The following AKT3 variants were observed in gnomAD, a reference collection of about 807,000 sequenced individuals.
The protein encoded by AKT3 is RAC-gamma serine/threonine-protein kinase.
Under a neutral mutation model 65.3 loss-of-function variants are expected in AKT3, and 15 were observed. That is an observed-to-expected ratio of 0.23 (90% CI 0.15 to 0.35). The LOEUF is 0.35. Ranked by LOEUF, AKT3 falls within the 10% of genes least tolerant of loss-of-function variation. AKT3 has a pLI of 1.00. For missense variants in AKT3, 243 were observed against 576.5 expected, an observed-to-expected ratio of 0.42 and a Z score of 5.92; for synonymous variants, 206 against 183.8, an observed-to-expected ratio of 1.12 and a Z score of -0.98.
intron 3 of AKT3, among the ~76,000 whole-genome samples, chr1:243,693,882 G>T (rs1051075367): frequency 5.9e-5 from 9 of 152,130 alleles, no homozygotes; most frequent in South Asian, 2.1e-4. Flanking sequence ...TTGTTAGTTT[G>T]AGTCAACTAC....
intron 2 of AKT3, among the ~76,000 whole-genome samples, chr1:243,700,406 C>T (rs1014380899): frequency 2.0e-5 from 3 of 152,200 alleles, no homozygotes; most frequent in East Asian, 1.9e-4. Flanking sequence ...TTAAAACAAA[C>T]GATCTCAATG....
chr1:243,826,486 C>G (rs1254980880), intron 2 of AKT3, among the ~76,000 whole-genome samples: 1 of 152,204 alleles, frequency 6.6e-6, no homozygotes. Flanking sequence ...AAAAGTAAGT[C>G]TGATAGCGAG....
chr1:243,772,514 G>A (rs541610212), intron 2 of AKT3, among the ~76,000 whole-genome samples: 19 of 152,202 alleles, frequency 1.2e-4, no homozygotes, highest in Admixed American at 4.6e-4. Context: ...TTAGAATGGC[G>A]ATCATTAAAA....
chr1:243,833,956 T>A (rs558259577), intron 2 of AKT3, among the ~76,000 whole-genome samples: 1 of 151,958 alleles, frequency 6.6e-6, no homozygotes, highest in Non-Finnish European at 1.5e-5. Flanking sequence ...GTATATAGGA[T>A]TCTAATTTGA....
intron 2 of AKT3, among the ~76,000 whole-genome samples, chr1:243,770,045 T>C (rs2148273792): frequency 6.6e-6 from 1 of 152,336 alleles, no homozygotes; most frequent in South Asian, 2.1e-4. Context: ...GGTTGTCCCA[T>C]CATCATTTCT....
chr1:243,737,584 CAAAA>C (rs1413608860), intron 2 of AKT3, among the ~76,000 whole-genome samples: 4 of 151,842 alleles, frequency 2.6e-5, no homozygotes, highest in Non-Finnish European at 5.9e-5. Flanking sequence ...GATGAACAAA[CAAAA>C]GAAAGTGAAA....
At chr1:243,718,466 T>G (rs961145090) in intron 2 of AKT3, among the ~76,000 whole-genome samples, 9 of 152,268 alleles carry the variant, frequency 5.9e-5, no homozygotes, top group Middle Eastern at 3.4e-3. Flanking sequence ...GTTTTGTTTT[T>G]TTTCAGACAG....
Position 243,725,111 on chromosome 1 carries a change from A to G in AKT3, c.47-29395T>C, listed in dbSNP as rs547570284. On this transcript the variant is annotated intron_variant, in intron 2 of 13. Transcript: ENST00000673466. Reference sequence around the variant, plus strand: ...CGTAGTTCTAGCTACTCGGGAGGTTAGCTTGAGCCCAGGAGTTTGAGGATG... The same window carrying G: ...CGTAGTTCTAGCTACTCGGGAGGTTGGCTTGAGCCCAGGAGTTTGAGGATG... 3.3e-5 allele frequency among the ~76,000 whole-genome samples: 5 copies of G among 151,928 alleles called. No individual in the cohort carries two copies. In the South Asian group the frequency reaches 1.0e-3, roughly 32 times the overall value.
intron 5 of AKT3, among the ~76,000 whole-genome samples, chr1:243,640,639 G>A (rs1680307328): frequency 6.6e-6 from 1 of 152,088 alleles, no homozygotes; most frequent in Non-Finnish European, 1.5e-5. Flanking sequence ...ACCAAGTGGA[G>A]GAGAACCAAG....
Position 243,657,223 on chromosome 1 carries a change from C to T in AKT3, c.284+7549G>A, listed in dbSNP as rs145692610. Among the ~76,000 whole-genome samples, 384 of 152,162 alleles carry T rather than the reference C, an allele frequency of 2.5e-3. 3 individuals carry two copies. Among genetic ancestry groups the T allele is most frequent in the African/African-American group, 8.8e-3 (367 of 41,526 alleles). On this transcript the variant is annotated intron_variant, in intron 4 of 13. Coordinates refer to ENST00000673466, the MANE Select transcript of AKT3 (RefSeq NM_005465.7). ...AGGTGACAATACAGGGGAAAGACAC[C>T]TTCTATGAACCGTGAAGAGGGCCCT...
At chr1:243,849,890 G>T in intron 1 of AKT3, 150 bp downstream of exon 1, 1 of 500,216 alleles carries the variant, frequency 2.0e-6, no homozygotes, top group Non-Finnish European at 2.6e-6. Context: ...CACGCCCCCG[G>T]CGCGGTGACA....
At chr1:243,628,087 C>T (rs1252696953) in intron 6 of AKT3, among the ~76,000 whole-genome samples, 1 of 152,180 alleles carries the variant, frequency 6.6e-6, no homozygotes, top group African/African-American at 2.4e-5. Flanking sequence ...GTATAGAACA[C>T]ATCATTAGAG....
intron 8 of AKT3, among the ~76,000 whole-genome samples, chr1:243,612,063 A>G (rs1408598734): frequency 1.3e-5 from 2 of 152,066 alleles, no homozygotes; most frequent in East Asian, 3.9e-4. Flanking sequence ...CTGCCTAGGC[A>G]CTCAAAATGT....
At position 243,649,197 on chromosome 1, in the gene AKT3, TCTTA is replaced by T. The variant is rs1450399981; in HGVS notation, c.285-3164_285-3161del. Among the ~76,000 whole-genome samples the T allele has an allele frequency of 5.3e-5, 8 of 152,102 alleles. 1 individual carries two copies. Among genetic ancestry groups the T allele is most frequent in the South Asian group, 2.1e-4 (1 of 4,826 alleles). ...AATTTCCAGTAATTGACATCTATTG[TCTTA>T]CTGTTATTGATTTCTAATTAATTCT... On this transcript the variant is annotated intron_variant, in intron 4 of 13. Transcript: ENST00000673466.
intron 2 of AKT3, among the ~76,000 whole-genome samples, chr1:243,772,853 AG>A (rs1174654435): frequency 6.6e-6 from 1 of 152,112 alleles, no homozygotes; most frequent in Non-Finnish European, 1.5e-5. Context: ...AATACTATGC[AG>A]CCATAAAAAA....
Position 243,695,652 on chromosome 1 carries a change from T to A in AKT3, c.111A>T (p.Gly37=). 1 of 1,608,844 alleles carries A rather than the reference T, an allele frequency of 6.2e-7. No individual in the cohort carries two copies. The highest frequency in any genetic ancestry group is 8.5e-7 in the Non-Finnish European group (1 of 1,176,726). The change falls in exon 3 of 14, where the codon GGA becomes GGT. Residue 37 remains glycine, a synonymous_variant. Coordinates refer to ENST00000673466, the MANE Select transcript of AKT3 (RefSeq NM_005465.7). Reference sequence around the variant, plus strand: ...CCACATCTTGAGGTTTCTCTTTATATCCTATGAATGAGCCATCTGTCTTCA... The same window carrying A: ...CCACATCTTGAGGTTTCTCTTTATAACCTATGAATGAGCCATCTGTCTTCA... The part of the protein sequence containing the change: ...FLLKTDGSFI[G]YKEKPQDVDL...
At chr1:243,784,967 T>C (rs1331537288) in intron 2 of AKT3, among the ~76,000 whole-genome samples, 1 of 152,158 alleles carries the variant, frequency 6.6e-6, no homozygotes, top group African/African-American at 2.4e-5. Context: ...TCTCACGATA[T>C]TGCCCAGGCT....
intron 2 of AKT3, among the ~76,000 whole-genome samples, chr1:243,822,360 T>C (rs1440763693): frequency 6.8e-6 from 1 of 148,126 alleles, no homozygotes; most frequent in Non-Finnish European, 1.5e-5. Flanking sequence ...ACATCACAAC[T>C]AAAAGAACTA....
chr1:243,831,277 A>C (rs1260900772), intron 2 of AKT3, among the ~76,000 whole-genome samples: 1 of 152,358 alleles, frequency 6.6e-6, no homozygotes, highest in Middle Eastern at 3.4e-3. Flanking sequence ...GGAGGTTACA[A>C]TGGAAAGGAG....
Sources: allele counts gnomAD v4.1 joint callset (sites outside exome capture counted in the v4.1 genomes callset), GRCh38; gene constraint gnomAD v4.1.1; transcripts MANE v1.5; gene names NCBI Gene and HGNC (gene_info 2026-07-23, HGNC 2026-07-21).